The following CMSS1 variants were observed in gnomAD, a reference collection of about 807,000 sequenced individuals.
CMSS1 encodes the protein cms1 ribosomal small subunit homolog.
CMSS1 carries 33 observed loss-of-function variants against 43.5 expected under a neutral mutation model. That is an observed-to-expected ratio of 0.76 (90% CI 0.57 to 1.01). The LOEUF is 1.01. Ranked by LOEUF, CMSS1 falls within the 50% of genes least tolerant of loss-of-function variation. The pLI is 0.00. For synonymous variants in CMSS1, 115 were observed against 117.2 expected, an observed-to-expected ratio of 0.98 and a Z score of 0.12; for missense variants, 313 against 326.4, an observed-to-expected ratio of 0.96 and a Z score of 0.32.
intron 1 of CMSS1, among the ~76,000 whole-genome samples, chr3:100,139,605 G>GTGTGTGTATATA (rs1358339944): frequency 8.4e-5 from 4 of 47,684 alleles, no homozygotes; most frequent in East Asian, 5.4e-4. Context: ...GTGTATATAT[G>GTGTGTGTATATA]TGTGTGTGTA....
chr3:99,828,730 A>C (rs867120880), intron 1 of CMSS1, among the ~76,000 whole-genome samples: 1 of 151,348 alleles, frequency 6.6e-6, no homozygotes, highest in Non-Finnish European at 1.5e-5. Context: ...TGCTGGGGTT[A>C]CTGGCGTGAG....
rs186827402 is a variant in CMSS1 at position 99,877,446 on chromosome 3, A to G, written c.64+59403A>G. On this transcript the variant is annotated intron_variant, in intron 1 of 9. Coordinates refer to ENST00000421999, the MANE Select transcript of CMSS1 (RefSeq NM_032359.4). ...AGATGCAGGGCACAACATTAAATGT[A>G]TGTCCTCTTCACTAAATTGGGAGTT... Among the ~76,000 whole-genome samples the G allele has an allele frequency of 5.9e-5, 9 of 152,266 alleles. No individual in the cohort carries two copies. In the East Asian group the frequency reaches 1.5e-3, roughly 26 times the overall value.
intron 1 of CMSS1, among the ~76,000 whole-genome samples, chr3:99,972,997 G>C (rs1708866435): frequency 6.6e-6 from 1 of 152,180 alleles, no homozygotes; most frequent in Admixed American, 6.5e-5. Flanking sequence ...AAATAGGCCA[G>C]AGAATTTGGG....
At chr3:100,100,789 G>A (rs1412031132) in intron 1 of CMSS1, among the ~76,000 whole-genome samples, 2 of 152,166 alleles carry the variant, frequency 1.3e-5, no homozygotes, top group South Asian at 4.1e-4. Context: ...GGTTAGTATC[G>A]CCTTGCTGCA....
chr3:100,094,740 G>T (rs537932870), intron 1 of CMSS1, among the ~76,000 whole-genome samples: 27 of 130,494 alleles, frequency 2.1e-4, no homozygotes, highest in Middle Eastern at 5.4e-3. Context: ...CTGGAGTGCA[G>T]TGGCACAATC....
chr3:99,958,171 C>T (rs1049414941), intron 1 of CMSS1, among the ~76,000 whole-genome samples: 1 of 148,608 alleles, frequency 6.7e-6, no homozygotes, highest in Non-Finnish European at 1.5e-5. Flanking sequence ...CTGCAGCTAT[C>T]AACCCATCAC....
intron 1 of CMSS1, among the ~76,000 whole-genome samples, chr3:99,987,119 A>G (rs1709364274): frequency 6.6e-6 from 1 of 151,820 alleles, no homozygotes; most frequent in South Asian, 2.1e-4. Context: ...AGTTCCACCT[A>G]CTCAGGAGGC....
At chr3:100,117,445 A>G (rs111857540) in intron 1 of CMSS1, among the ~76,000 whole-genome samples, 2,004 of 152,176 alleles carry the variant, frequency 0.013, 29 homozygotes, top group Non-Finnish European at 0.02. Context: ...CTAGGGCTAT[A>G]TGAGAAAAAA....
At chr3:99,888,807 A>G (rs372151294) in intron 1 of CMSS1, among the ~76,000 whole-genome samples, 12 of 152,160 alleles carry the variant, frequency 7.9e-5, no homozygotes, top group African/African-American at 2.9e-4. Context: ...ATTTCCTTGC[A>G]AAAAAATAAC....
At chr3:100,097,156 C>T (rs745669432) in intron 1 of CMSS1, among the ~76,000 whole-genome samples, 1 of 152,144 alleles carries the variant, frequency 6.6e-6, no homozygotes, top group Non-Finnish European at 1.5e-5. Context: ...CAGAACTGCA[C>T]ATGCGAGAGA....
At chr3:100,038,497 T>G (rs1415576096) in intron 1 of CMSS1, among the ~76,000 whole-genome samples, 1 of 152,182 alleles carries the variant, frequency 6.6e-6, no homozygotes, top group Non-Finnish European at 1.5e-5. Flanking sequence ...CAGTTGTAGT[T>G]TCTTATTGAC....
chr3:100,074,675 A>ATTTTTTTT (rs555819875), intron 1 of CMSS1, among the ~76,000 whole-genome samples: 1,476 of 34,776 alleles, frequency 0.042, 599 homozygotes, highest in Non-Finnish European at 0.048. Flanking sequence ...GCAACATTTG[A>ATTTTTTTT]TTTTTTTTTT....
intron 1 of CMSS1, chr3:99,830,629 A>AG: frequency 2.2e-6 from 1 of 456,340 alleles, no homozygotes; most frequent in Non-Finnish European, 4.4e-6. Context: ...AGAGAACAAA[A>AG]GGTAATTAAT....
intron 1 of CMSS1, among the ~76,000 whole-genome samples, chr3:99,990,780 A>G (rs1709488247): frequency 6.6e-6 from 1 of 152,184 alleles, no homozygotes. Flanking sequence ...CTATATTTGT[A>G]ATAAAAAAAA....
intron 1 of CMSS1, among the ~76,000 whole-genome samples, chr3:100,046,380 C>T (rs2065279501): frequency 6.6e-6 from 1 of 151,860 alleles, no homozygotes; most frequent in Admixed American, 6.6e-5. Context: ...TTAAAAGTAT[C>T]AGGTTGTTCA....
At chr3:100,005,158 C>G (rs1252686393) in intron 1 of CMSS1, among the ~76,000 whole-genome samples, 1 of 152,192 alleles carries the variant, frequency 6.6e-6, no homozygotes, top group Non-Finnish European at 1.5e-5. Context: ...AGTGGAGTTA[C>G]AACCAGGAAA....
intron 1 of CMSS1, among the ~76,000 whole-genome samples, chr3:100,076,048 T>C (rs576840391): frequency 6.6e-6 from 1 of 152,314 alleles, no homozygotes; most frequent in East Asian, 1.9e-4. Flanking sequence ...CTGAGTCTTC[T>C]TTCAACTACA....
chr3:99,982,775 T>G (rs1418379588), intron 1 of CMSS1, among the ~76,000 whole-genome samples: 1 of 152,194 alleles, frequency 6.6e-6, no homozygotes, highest in Non-Finnish European at 1.5e-5. Flanking sequence ...CCTTCCTCAT[T>G]TTTCAAAAAT....
chr3:100,130,419 A>T (rs951665082), intron 1 of CMSS1, among the ~76,000 whole-genome samples: 1 of 152,228 alleles, frequency 6.6e-6, no homozygotes, highest in Non-Finnish European at 1.5e-5. Context: ...TTATCTGTAA[A>T]GACTCATATT....
Sources: gnomAD v4.1 joint callset for allele counts (sites outside exome capture counted in the v4.1 genomes callset) on GRCh38, gnomAD v4.1.1 for gene constraint, MANE v1.5 for transcripts, NCBI Gene and HGNC (gene_info 2026-07-23, HGNC 2026-07-21) for gene names.